SPMIP2: variants seen among roughly 807,000 people sequenced by gnomAD.
The protein encoded by SPMIP2 is sperm microtubule inner protein 2.
the SPMIP2 span, among the ~76,000 whole-genome samples, chr4:159,063,011 C>A: frequency 2.0e-5 from 3 of 151,962 alleles, no homozygotes; most frequent in Non-Finnish European, 2.9e-5. Flanking sequence ...TTTAAATGGT[C>A]TCTATCTCAA....
the SPMIP2 span, among the ~76,000 whole-genome samples, chr4:158,934,653 C>CT: frequency 6.6e-6 from 1 of 152,074 alleles, no homozygotes; most frequent in Non-Finnish European, 1.5e-5. Flanking sequence ...CCCTACCCAC[C>CT]TGTCACCCCT....
At chr4:159,069,642 A>G in the SPMIP2 span, among the ~76,000 whole-genome samples, 1 of 152,034 alleles carries the variant, frequency 6.6e-6, no homozygotes, top group Middle Eastern at 3.4e-3. Context: ...AGGTCTCCCT[A>G]TGTTGCCCAG....
At chr4:158,980,450 G>A in the SPMIP2 span, among the ~76,000 whole-genome samples, 1 of 152,202 alleles carries the variant, frequency 6.6e-6, no homozygotes, top group East Asian at 1.9e-4. Flanking sequence ...CCTTGTAGAG[G>A]AGAGCCCTGG....
At chr4:158,940,767 T>C in the SPMIP2 span, among the ~76,000 whole-genome samples, 4 of 152,334 alleles carry the variant, frequency 2.6e-5, no homozygotes, top group Admixed American at 6.5e-5. Context: ...TGAATGTTCA[T>C]GGATACATAT....
At chr4:158,969,569 G>A in the SPMIP2 span, among the ~76,000 whole-genome samples, 96 of 152,192 alleles carry the variant, frequency 6.3e-4, no homozygotes, top group African/African-American at 2.0e-3. Flanking sequence ...ACTGACCTCC[G>A]CAACGTGGGG....
At chr4:158,973,181 C>G in the SPMIP2 span, 1 of 1,613,566 alleles carries the variant, frequency 6.2e-7, no homozygotes. Flanking sequence ...ATTTTGCTGG[C>G]AAGCTTCTAT....
the SPMIP2 span, among the ~76,000 whole-genome samples, chr4:158,998,625 A>G: frequency 6.6e-6 from 1 of 152,182 alleles, no homozygotes; most frequent in African/African-American, 2.4e-5. Flanking sequence ...TATAAAACAG[A>G]TTTGCCAGCA....
the SPMIP2 span, among the ~76,000 whole-genome samples, chr4:159,075,466 TG>T: frequency 2.0e-4 from 31 of 152,344 alleles, no homozygotes; most frequent in African/African-American, 7.5e-4. Flanking sequence ...TGGATCATTT[TG>T]TAATTGTGTT....
the SPMIP2 span, among the ~76,000 whole-genome samples, chr4:158,991,210 T>C: frequency 4.4e-5 from 6 of 135,152 alleles, no homozygotes; most frequent in South Asian, 7.5e-4. Context: ...CCAAAATGAG[T>C]GTAGACGTGT....
chr4:158,957,938 C>T, the SPMIP2 span, among the ~76,000 whole-genome samples: 7 of 152,178 alleles, frequency 4.6e-5, no homozygotes, highest in African/African-American at 1.7e-4. Context: ...TTGCCATAAG[C>T]ATGAATTATA....
chr4:158,904,084 C>G, the SPMIP2 span, among the ~76,000 whole-genome samples: 39 of 152,098 alleles, frequency 2.6e-4, no homozygotes, highest in Non-Finnish European at 4.9e-4. Context: ...AATCAGTATG[C>G]ATTTAGAAGT....
At chr4:158,896,777 GT>G in the SPMIP2 span, among the ~76,000 whole-genome samples, 113 of 132,024 alleles carry the variant, frequency 8.6e-4, no homozygotes, top group Middle Eastern at 7.5e-3. Context: ...TCTCTTTGTC[GT>G]TTTTTTTTTT....
chr4:159,012,775 G>A, the SPMIP2 span, among the ~76,000 whole-genome samples: 2 of 151,662 alleles, frequency 1.3e-5, no homozygotes, highest in East Asian at 1.9e-4. Context: ...GTTTCACTAT[G>A]TTCCTCAGGG....
chr4:158,925,372 T>C, the SPMIP2 span, among the ~76,000 whole-genome samples: 1 of 152,226 alleles, frequency 6.6e-6, no homozygotes, highest in Non-Finnish European at 1.5e-5. Flanking sequence ...ATAAGATCAG[T>C]AGTGATGTCC....
chr4:158,960,437 G>T, the SPMIP2 span: 84 of 682,524 alleles, frequency 1.2e-4, 1 homozygote, highest in East Asian at 8.5e-4. Flanking sequence ...AGGAAGTCAG[G>T]TTGGGAAATG....
At chr4:158,917,507 C>T in the SPMIP2 span, among the ~76,000 whole-genome samples, 47 of 152,038 alleles carry the variant, frequency 3.1e-4, no homozygotes, top group Middle Eastern at 3.4e-3. Context: ...TCCTTCCTTT[C>T]GCCTTCACCT....
chr4:159,013,283 CAT>C, the SPMIP2 span, among the ~76,000 whole-genome samples: 1 of 152,180 alleles, frequency 6.6e-6, no homozygotes, highest in Non-Finnish European at 1.5e-5. Flanking sequence ...TTTGTACACA[CAT>C]GTTAATAGCA....
the SPMIP2 span, among the ~76,000 whole-genome samples, chr4:158,966,756 A>T: frequency 6.6e-6 from 1 of 152,250 alleles, no homozygotes; most frequent in Non-Finnish European, 1.5e-5. Flanking sequence ...ATTAAGGGAT[A>T]AAATAATCTA....
At chr4:159,066,592 TATATATATATATATA>T in the SPMIP2 span, among the ~76,000 whole-genome samples, 4 of 17,116 alleles carry the variant, frequency 2.3e-4, no homozygotes, top group Admixed American at 1.2e-3. Context: ...GTGTATTTTA[TATATATATATATATA>T]TATATATATA....
Sources: allele counts gnomAD v4.1 joint callset (sites outside exome capture counted in the v4.1 genomes callset), GRCh38; gene constraint gnomAD v4.1.1; transcripts MANE v1.5; gene names NCBI Gene and HGNC (gene_info 2026-07-23, HGNC 2026-07-21).